Variants in FRMD1 observed in about 807,000 individuals in gnomAD.
FRMD1 encodes the protein FERM domain-containing protein 1.
FRMD1 carries 51 observed loss-of-function variants against 54.9 expected under a neutral mutation model. The observed-to-expected ratio is 0.93, with a 90% CI of 0.74 to 1.17. The LOEUF (loss-of-function observed/expected upper bound fraction) is 1.17. FRMD1 is among the 50% of genes most tolerant of loss of function. The pLI, the probability that FRMD1 is intolerant of heterozygous loss-of-function variation, is 0.00. For missense variants in FRMD1, 729 were observed against 743.0 expected, an observed-to-expected ratio of 0.98 and a Z score of 0.22; for synonymous variants, 324 against 306.4, an observed-to-expected ratio of 1.06 and a Z score of -0.60.
At chr6:168,061,735 G>T in intron 8 of FRMD1, 72 bp downstream of exon 8, 1 of 1,421,290 alleles carries the variant, frequency 7.0e-7, no homozygotes. Flanking sequence ...TCCGGCCAGA[G>T]CCCAGTGTGC....
intron 6 of FRMD1, among the ~76,000 whole-genome samples, chr6:168,063,175 G>A (rs1799841361): frequency 6.6e-6 from 1 of 152,182 alleles, no homozygotes; most frequent in Admixed American, 6.5e-5. Context: ...ATAAACACCA[G>A]CCACGACCTA....
At chr6:168,060,644 C>T in intron 9 of FRMD1, 117 bp downstream of exon 9, 1 of 1,020,728 alleles carries the variant, frequency 9.8e-7, no homozygotes, top group Non-Finnish European at 1.4e-6. Flanking sequence ...CCCCTCACGT[C>T]TGGCCACTGG....
At chr6:168,069,090 TAA>T (rs1178865028) in intron 2 of FRMD1, among the ~76,000 whole-genome samples, 1 of 152,230 alleles carries the variant, frequency 6.6e-6, no homozygotes, top group African/African-American at 2.4e-5. Context: ...TGCTCTGTGT[TAA>T]AGACTCTGAA....
upstream of FRMD1, among the ~76,000 whole-genome samples, chr6:168,082,244 C>T (rs531046793): frequency 1.8e-4 from 28 of 152,372 alleles, no homozygotes; most frequent in African/African-American, 6.7e-4. Flanking sequence ...TTTACCGACT[C>T]GGCTGCGATG....
intron 1 of FRMD1, chr6:168,075,614 G>C (rs1228069938): frequency 1.2e-6 from 1 of 804,470 alleles, no homozygotes; most frequent in African/African-American, 1.7e-5. Context: ...CTGGTGTGAG[G>C]ATTTCCCGAG....
rs111873868 is a variant in FRMD1 at position 168,061,442 on chromosome 6, T to C, written c.1045+365A>G. Among the ~76,000 whole-genome samples, 1,045 of 152,136 alleles carry C rather than the reference T, an allele frequency of 6.9e-3. 11 individuals carry two copies. Among genetic ancestry groups the C allele is most frequent in the African/African-American group, 0.024 (1,011 of 41,494 alleles). On this transcript the variant is annotated intron_variant, in intron 8 of 10. Coordinates refer to ENST00000283309, the MANE Select transcript of FRMD1 (RefSeq NM_024919.6). ...CAGGCCTTGTGCTCAGGTGAGGATG[T>C]GGAACAGGAAGGGAGACCAGGCCTG...
chr6:168,070,493 GA>G (rs1449813822), intron 2 of FRMD1, among the ~76,000 whole-genome samples: 1 of 152,126 alleles, frequency 6.6e-6, no homozygotes, highest in East Asian at 1.9e-4. Context: ...GACTAACAGG[GA>G]AAGACTGAGG....
chr6:168,092,380 C>T (rs1169106249), intron 1 of FRMD1, among the ~76,000 whole-genome samples: 4 of 152,196 alleles, frequency 2.6e-5, no homozygotes, highest in Non-Finnish European at 2.9e-5. Context: ...GAAATTCTCA[C>T]GCGAGGGGGA....
intron 4 of FRMD1, chr6:168,066,541 G>T (rs1211996429): frequency 1.8e-5 from 23 of 1,285,304 alleles, no homozygotes; most frequent in South Asian, 5.5e-5. Context: ...AAAAGAAAAA[G>T]AAGTACCAAT....
chr6:168,063,025 T>A, intron 6 of FRMD1, 66 bp from the exon 7 acceptor site: 1 of 1,388,500 alleles, frequency 7.2e-7, no homozygotes, highest in Non-Finnish European at 1.0e-6. Context: ...GATGGCAGAG[T>A]ATGGTCAGTC....
intron 2 of FRMD1, among the ~76,000 whole-genome samples, chr6:168,071,457 G>T (rs1007722847): frequency 1.4e-4 from 22 of 152,186 alleles, no homozygotes; most frequent in African/African-American, 4.6e-4. Context: ...GGGGCCACAG[G>T]GCTCTGCTGG....
At chr6:168,080,813 GTGTGCGGGCGCTGGTT>G (rs979515507), upstream of FRMD1, among the ~76,000 whole-genome samples, 14 of 152,082 alleles carry the variant, frequency 9.2e-5, no homozygotes, top group East Asian at 5.8e-4. Context: ...AGGTGCTGGT[GTGTGCGGGCGCTGGTT>G]TGTGCGGGCG....
At chr6:168,070,191 T>TGAAGGAAGGAAGGAAGGAAA (rs1251131725) in intron 2 of FRMD1, among the ~76,000 whole-genome samples, 1 of 138,712 alleles carries the variant, frequency 7.2e-6, no homozygotes, top group Non-Finnish European at 1.5e-5. Flanking sequence ...CAGAGTGAGA[T>TGAAGGAAGGAAGGAAGGAAA]GAAGGAAGGA....
At chr6:168,062,589 C>A in intron 7 of FRMD1, 1 of 1,369,126 alleles carries the variant, frequency 7.3e-7, no homozygotes, top group Non-Finnish European at 1.0e-6. Flanking sequence ...TCTTCGGGTG[C>A]AGAATTGTCC....
chr6:168,058,679 C>T (rs1006410151), intron 10 of FRMD1, among the ~76,000 whole-genome samples: 3 of 152,194 alleles, frequency 2.0e-5, no homozygotes, highest in African/African-American at 7.2e-5. Context: ...CTGGGGGATC[C>T]TAAGGCTCAG....
At chr6:168,078,546 G>A (rs1381793807) in intron 1 of FRMD1, among the ~76,000 whole-genome samples, 4 of 108,240 alleles carry the variant, frequency 3.7e-5, no homozygotes, top group African/African-American at 1.5e-4. Context: ...CCACGGCCCT[G>A]CTCACCCCCA....
chr6:168,065,345 A>C, intron 4 of FRMD1: 1 of 1,212,300 alleles, frequency 8.2e-7, no homozygotes, highest in Non-Finnish European at 1.0e-6. Flanking sequence ...GCCTTCACCA[A>C]ACCAAGCCCC....
At chr6:168,080,027 C>T (rs1261149807), upstream of FRMD1, among the ~76,000 whole-genome samples, 1 of 152,124 alleles carries the variant, frequency 6.6e-6, no homozygotes, top group Non-Finnish European at 1.5e-5. Flanking sequence ...TGTCCTCAGC[C>T]GTGAGCTCCA....
At chr6:168,082,250 C>T (rs1412324547), upstream of FRMD1, among the ~76,000 whole-genome samples, 2 of 152,254 alleles carry the variant, frequency 1.3e-5, no homozygotes, top group East Asian at 3.9e-4. Flanking sequence ...GACTCGGCTG[C>T]GATGGCCGCA....
Sources: allele counts gnomAD v4.1 joint callset (sites outside exome capture counted in the v4.1 genomes callset), GRCh38; gene constraint gnomAD v4.1.1; transcripts MANE v1.5; gene names NCBI Gene and HGNC (gene_info 2026-07-23, HGNC 2026-07-21).